ANKRD44: variants seen among roughly 807,000 people sequenced by gnomAD.
ANKRD44 encodes the protein serine/threonine-protein phosphatase 6 regulatory ankyrin repeat subunit B.
Under a neutral mutation model 116.0 loss-of-function variants are expected in ANKRD44, and 35 were observed. The observed-to-expected ratio is 0.30, with a 90% confidence interval of 0.23 to 0.40. The LOEUF (loss-of-function observed/expected upper bound fraction) is 0.40. ANKRD44 is among the 10% of genes least tolerant of loss of function. ANKRD44 has a pLI of 1.00. For missense variants in ANKRD44, 1,014 were observed against 1,242.6 expected, an observed-to-expected ratio of 0.82 and a Z score of 2.77; for synonymous variants, 435 against 461.8, an observed-to-expected ratio of 0.94 and a Z score of 0.74.
At chr2:197,017,046 C>T (rs552618150) in intron 17 of ANKRD44, among the ~76,000 whole-genome samples, 2 of 152,198 alleles carry the variant, frequency 1.3e-5, no homozygotes, top group East Asian at 3.9e-4. Context: ...TGATTTTTCA[C>T]CTACCAGATT....
chr2:196,971,963 G>A (rs539501792), intron 21 of ANKRD44, among the ~76,000 whole-genome samples: 17 of 152,334 alleles, frequency 1.1e-4, no homozygotes, highest in African/African-American at 3.8e-4. Flanking sequence ...CTGTCCTCTT[G>A]AGGGAAGCCT....
At chr2:197,105,686 A>G (rs2078408938) in intron 9 of ANKRD44, among the ~76,000 whole-genome samples, 1 of 152,252 alleles carries the variant, frequency 6.6e-6, no homozygotes, top group African/African-American at 2.4e-5. Flanking sequence ...GGGACTCAAC[A>G]GACAGTTAAC....
chr2:197,259,501 G>A (rs2082540786), intron 1 of ANKRD44, among the ~76,000 whole-genome samples: 1 of 152,134 alleles, frequency 6.6e-6, no homozygotes, highest in Non-Finnish European at 1.5e-5. Context: ...TGATTTCCCA[G>A]ACTTCTGCAG....
chr2:197,017,242 T>G (rs888949953), intron 17 of ANKRD44, among the ~76,000 whole-genome samples: 2 of 152,206 alleles, frequency 1.3e-5, no homozygotes, highest in Admixed American at 1.3e-4. Context: ...CTCATTTATA[T>G]ACAAAGCAAA....
chr2:197,288,996 T>A (rs1050769495), intron 1 of ANKRD44, among the ~76,000 whole-genome samples: 6 of 152,192 alleles, frequency 3.9e-5, no homozygotes, highest in African/African-American at 1.4e-4. Flanking sequence ...GGTAGCAGAC[T>A]AGGGTAATTA....
At chr2:197,093,244 T>C (rs1163762408) in intron 10 of ANKRD44, among the ~76,000 whole-genome samples, 2 of 152,174 alleles carry the variant, frequency 1.3e-5, no homozygotes, top group East Asian at 3.9e-4. Flanking sequence ...TTTGAGGAAA[T>C]AGCATCAAAC....
At chr2:197,310,496 C>G (rs1362364938) in intron 1 of ANKRD44, 82 bp downstream of exon 1, 2 of 943,662 alleles carry the variant, frequency 2.1e-6, no homozygotes, top group Non-Finnish European at 2.5e-6. Context: ...CGGGCGCGCT[C>G]CAGCCGCGCC....
rs111893848 is a variant in ANKRD44 at position 196,991,166 on chromosome 2, T to C, written c.2924-1517A>G. ...TTTTTGTTTTCAGCTCATATGACTA[T>C]GACAAGCACAATATCATCCAAAGTT... On this transcript the variant is annotated intron_variant, in intron 27 of 27. Transcript: ENST00000282272. 9.1e-4 allele frequency among the ~76,000 whole-genome samples: 139 copies of C among 152,308 alleles called. 1 individual carries two copies. Among genetic ancestry groups the C allele is most frequent in the African/African-American group, 2.5e-3 (102 of 41,560 alleles).
chr2:196,985,398 AAAC>A (rs1378498303), downstream of ANKRD44, among the ~76,000 whole-genome samples: 3 of 152,228 alleles, frequency 2.0e-5, no homozygotes, highest in Admixed American at 6.5e-5. Context: ...AGTCTACTCT[AAAC>A]AACAGGAAGC....
chr2:197,216,238 T>C (rs2081439810), intron 1 of ANKRD44, among the ~76,000 whole-genome samples: 1 of 152,210 alleles, frequency 6.6e-6, no homozygotes, highest in Admixed American at 6.5e-5. Context: ...GTGGAAGTAA[T>C]ATGTAAGAAT....
chr2:197,175,171 T>C (rs1477440453), intron 2 of ANKRD44, among the ~76,000 whole-genome samples: 1 of 152,190 alleles, frequency 6.6e-6, no homozygotes, highest in Admixed American at 6.5e-5. Context: ...CCAAATGAAA[T>C]ATCTTGAGCC....
chr2:197,282,205 A>G (rs751588095), intron 1 of ANKRD44, among the ~76,000 whole-genome samples: 20 of 152,158 alleles, frequency 1.3e-4, no homozygotes, highest in Admixed American at 2.6e-4. Flanking sequence ...GTGAGCGGAG[A>G]TCATGCCACT....
chr2:197,003,568 G>C (rs1489032521), intron 21 of ANKRD44, among the ~76,000 whole-genome samples: 1 of 152,164 alleles, frequency 6.6e-6, no homozygotes, highest in East Asian at 1.9e-4. Flanking sequence ...GAAGATGGGA[G>C]CTTGAAACTC....
intron 1 of ANKRD44, among the ~76,000 whole-genome samples, chr2:197,287,277 T>A (rs2083433931): frequency 6.6e-6 from 1 of 152,162 alleles, no homozygotes; most frequent in Non-Finnish European, 1.5e-5. Flanking sequence ...TAAAAAAGTA[T>A]ACCTTCTAGA....
chr2:197,046,017 G>A (rs1017622358), intron 16 of ANKRD44, among the ~76,000 whole-genome samples: 11 of 152,276 alleles, frequency 7.2e-5, no homozygotes, highest in East Asian at 1.9e-4. Context: ...AGAAACATAC[G>A]TAAATCATGA....
chr2:197,008,279 G>C (rs1032731017), intron 19 of ANKRD44, among the ~76,000 whole-genome samples: 4 of 152,116 alleles, frequency 2.6e-5, no homozygotes, highest in African/African-American at 9.7e-5. Flanking sequence ...CATCAGAGCA[G>C]CTCTACTTTG....
At chr2:196,999,857 T>C (rs534221656) in intron 23 of ANKRD44, among the ~76,000 whole-genome samples, 1 of 152,158 alleles carries the variant, frequency 6.6e-6, no homozygotes, top group African/African-American at 2.4e-5. Flanking sequence ...CCTCCCAAAG[T>C]GCTGGGATTA....
At chr2:197,027,882 A>C (rs1041285053) in intron 16 of ANKRD44, among the ~76,000 whole-genome samples, 1 of 151,844 alleles carries the variant, frequency 6.6e-6, no homozygotes, top group African/African-American at 2.4e-5. Flanking sequence ...TAGAGACAGG[A>C]TCTCACTACG....
chr2:197,247,418 G>A (rs2082217452), intron 1 of ANKRD44, among the ~76,000 whole-genome samples: 1 of 152,150 alleles, frequency 6.6e-6, no homozygotes, highest in Non-Finnish European at 1.5e-5. Context: ...GTACCCTTTT[G>A]TTCCCTGAAA....
Sources: gnomAD v4.1 joint callset for allele counts (sites outside exome capture counted in the v4.1 genomes callset) on GRCh38, gnomAD v4.1.1 for gene constraint, MANE v1.5 for transcripts, NCBI Gene and HGNC (gene_info 2026-07-23, HGNC 2026-07-21) for gene names.